SLC9A8: variants seen among roughly 807,000 people sequenced by gnomAD.
The protein encoded by SLC9A8 is sodium/hydrogen exchanger 8.
A neutral mutation model predicts 66.6 loss-of-function variants in SLC9A8; 48 were observed. The ratio of observed to expected loss-of-function variants is 0.72; its 90% CI spans 0.57 to 0.92. The LOEUF (loss-of-function observed/expected upper bound fraction) is 0.92. SLC9A8 is among the 40% of genes least tolerant of loss of function. The pLI is 0.00. For synonymous variants in SLC9A8, 274 were observed against 282.6 expected (o/e 0.97, Z 0.31); for missense variants, 599 against 747.3 (o/e 0.80, Z 2.31).
At chr20:49,826,464 A>G (rs1252008052) in intron 3 of SLC9A8, among the ~76,000 whole-genome samples, 3 of 152,200 alleles carry the variant, frequency 2.0e-5, no homozygotes, top group Non-Finnish European at 4.4e-5. Flanking sequence ...GCTTGCAGTC[A>G]TTTCGAGACA....
At chr20:49,831,274 A>G (rs1600666072) in intron 3 of SLC9A8, among the ~76,000 whole-genome samples, 1 of 152,070 alleles carries the variant, frequency 6.6e-6, no homozygotes, top group Admixed American at 6.6e-5. Flanking sequence ...TATGGAGGGG[A>G]TGAGTGTCAG....
At position 49,864,808 on chromosome 20, in the gene SLC9A8, C is replaced by G; in HGVS notation, c.922C>G (p.Leu308Val). Residue 308 changes from leucine (L) to valine (V), a missense_variant, in exon 10 of 16, where the codon CTG (leucine) becomes GTG (valine). Leu to Val is a conservative substitution (Grantham distance 32). This residue lies in a region of SLC9A8 where 467 missense variants were observed against 626.5 expected (regional missense o/e 0.75). Transcript: ENST00000361573. ...TGGCATGATGATCATTTTTGCTTAT[C>G]TGCCTTATGGGCTTGCAGAAGGAAT... Reference protein sequence around the residue: ...EFGMMIIFAYLPYGLAEGISL... With the variant: ...EFGMMIIFAYVPYGLAEGISL... 6.2e-7 allele frequency: 1 copy of G among 1,613,938 alleles called. No homozygotes were observed.
chr20:49,832,560 A>G (rs2087249662), intron 3 of SLC9A8, among the ~76,000 whole-genome samples: 1 of 152,164 alleles, frequency 6.6e-6, no homozygotes, highest in South Asian at 2.1e-4. Context: ...TGGAATGTAT[A>G]TTATAAGGCA....
At chr20:49,878,572 T>C (rs903432993) in intron 12 of SLC9A8, among the ~76,000 whole-genome samples, 1 of 152,206 alleles carries the variant, frequency 6.6e-6, no homozygotes, top group Non-Finnish European at 1.5e-5. Flanking sequence ...CTATTTATAT[T>C]TGTCTATTTG....
intron 7 of SLC9A8, among the ~76,000 whole-genome samples, chr20:49,854,287 G>T (rs2088373345): frequency 6.6e-6 from 1 of 152,104 alleles, no homozygotes. Flanking sequence ...TCCCTCGCCA[G>T]CCTCTTATGG....
Position 49,885,820 on chromosome 20 carries a change from C to T in SLC9A8, c.1492-932C>T, listed in dbSNP as rs562181764. ...AGAATCAGACAGCTGTGGGCACAGA[C>T]TCCCGAGCCTGTCCTCTTTACTACC... On this transcript the variant is annotated intron_variant, in intron 14 of 15. Transcript: ENST00000361573. Among the ~76,000 whole-genome samples, 9 of 152,318 alleles carry T rather than the reference C, an allele frequency of 5.9e-5. No individual in the cohort carries two copies. The South Asian group carries it at 1.7e-3, about 28-fold the overall frequency.
chr20:49,813,151 C>A (rs1007733154), intron 1 of SLC9A8, among the ~76,000 whole-genome samples: 1 of 152,236 alleles, frequency 6.6e-6, no homozygotes, highest in African/African-American at 2.4e-5. Flanking sequence ...GGAGATCGGT[C>A]CCTCGAGCTG....
chr20:49,853,304 C>T (rs189355374), intron 7 of SLC9A8, among the ~76,000 whole-genome samples: 2 of 151,354 alleles, frequency 1.3e-5, no homozygotes, highest in Non-Finnish European at 2.9e-5. Flanking sequence ...GCACCACTTC[C>T]GGCTAATTTT....
chr20:49,828,072 A>C (rs1463343766), intron 3 of SLC9A8, among the ~76,000 whole-genome samples: 2 of 143,078 alleles, frequency 1.4e-5, no homozygotes, highest in Non-Finnish European at 3.0e-5. Context: ...ACCAAAAAAA[A>C]ATTTTTTTTT....
At chr20:49,830,919 T>A in intron 3 of SLC9A8, 1 of 895,118 alleles carries the variant, frequency 1.1e-6, no homozygotes, top group Non-Finnish European at 1.9e-6. Context: ...TAAGCCTGAT[T>A]TCTACTGAAA....
intron 8 of SLC9A8, among the ~76,000 whole-genome samples, chr20:49,859,393 C>T (rs933093538): frequency 3.3e-5 from 5 of 151,940 alleles, no homozygotes; most frequent in Non-Finnish European, 7.4e-5. Flanking sequence ...TCAGAAGGAA[C>T]GTCTTGTGAG....
In SLC9A8 at chr20:49,889,491, C is replaced by T. The variant is rs1305190986; in HGVS notation, c.*1555C>T. The stretch of plus-strand genomic sequence containing the variant: ...CAGGAGGGACTGACCTCAGGACCTT[C>T]CAGGTTCCTCTGTGCCAGGAATGAG... On this transcript the variant is annotated 3_prime_UTR_variant, in exon 16 of 16. Coordinates refer to ENST00000361573, the MANE Select transcript of SLC9A8 (RefSeq NM_015266.3). 1 of 152,270 alleles carries T rather than the reference C, an allele frequency of 6.6e-6. No homozygotes were observed. Among genetic ancestry groups the T allele is most frequent in the Non-Finnish European group, 1.5e-5 (1 of 68,078 alleles). 9.4% of individuals were successfully genotyped at this position (152,270 alleles called of 1,614,324 possible). A position where few individuals can be genotyped will look rare whatever the true frequency, so the allele number is the denominator to read the frequency against.
In SLC9A8 at chr20:49,846,294, A is replaced by G. The variant is rs189873747; in HGVS notation, c.432+1175A>G. Among the ~76,000 whole-genome samples, 599 of 152,260 alleles carry G rather than the reference A, an allele frequency of 3.9e-3. 6 individuals carry two copies. Among genetic ancestry groups the G allele is most frequent in the African/African-American group, 0.014 (577 of 41,536 alleles). On this transcript the variant is annotated intron_variant, in intron 5 of 15. Transcript: ENST00000361573. ...TCAACTTAAAATACTAGTATTAATAATACAGCAGCTATTTTGTGAATGTGA... is the reference window on the plus strand; with the variant it reads ...TCAACTTAAAATACTAGTATTAATAGTACAGCAGCTATTTTGTGAATGTGA...
intron 3 of SLC9A8, among the ~76,000 whole-genome samples, chr20:49,834,299 CTA>C (rs1175697072): frequency 4.0e-4 from 54 of 135,546 alleles, no homozygotes; most frequent in African/African-American, 1.3e-3. Flanking sequence ...TATACACACA[CTA>C]TATATACAGT....
At chr20:49,826,887 G>A (rs2086933182) in intron 3 of SLC9A8, among the ~76,000 whole-genome samples, 2 of 151,808 alleles carry the variant, frequency 1.3e-5, no homozygotes, top group African/African-American at 4.8e-5. Context: ...AGTTTAATTT[G>A]AGTTTATATC....
rs995358337 is a variant in SLC9A8, at chr20:49,839,521, G to C, written c.290-20G>C. On this transcript the variant is annotated intron_variant, in intron 3 of 15. Coordinates refer to ENST00000361573, the MANE Select transcript of SLC9A8 (RefSeq NM_015266.3). ...TCTCATATCTTAAATTTATGTTAAA[G>C]TTTACATTTTCTCTTGTAGGTATTC... 19 of 1,441,174 alleles carry C rather than the reference G, an allele frequency of 1.3e-5. No homozygotes were observed. The highest frequency in any genetic ancestry group is 7.1e-5 in the African/African-American group (5 of 70,812). The allele number at this position is 1,441,174 out of a possible 1,614,324, so 89.3% of individuals were successfully genotyped here.
intron 4 of SLC9A8, among the ~76,000 whole-genome samples, chr20:49,840,643 G>C (rs2087721584): frequency 6.6e-6 from 1 of 152,162 alleles, no homozygotes; most frequent in African/African-American, 2.4e-5. Context: ...ACACACTTCT[G>C]CTGGGGAGGC....
intron 3 of SLC9A8, among the ~76,000 whole-genome samples, chr20:49,835,679 CTTTTTTTT>C (rs34461954): frequency 4.2e-5 from 3 of 71,974 alleles, no homozygotes; most frequent in African/African-American, 1.8e-4. Flanking sequence ...ACACAATTCA[CTTTTTTTT>C]TTTTTTTTTT....
chr20:49,862,621 C>T (rs531329200), intron 8 of SLC9A8, among the ~76,000 whole-genome samples: 1 of 152,218 alleles, frequency 6.6e-6, no homozygotes, highest in African/African-American at 2.4e-5. Context: ...AGTTACCTAC[C>T]CACCCTGCTT....
Sources: allele counts gnomAD v4.1 joint callset (sites outside exome capture counted in the v4.1 genomes callset), GRCh38; gene constraint gnomAD v4.1.1; regional missense constraint gnomAD v4.1.1; transcripts MANE v1.5; gene names NCBI Gene and HGNC (gene_info 2026-07-23, HGNC 2026-07-21).